Variants in CAMK1D observed in about 807,000 individuals in gnomAD.
CAMK1D encodes calcium/calmodulin dependent protein kinase ID, also known as calcium/calmodulin-dependent protein kinase type 1D.
In CAMK1D, 9 loss-of-function variants were observed where a neutral mutation model predicts 47.7. That is an observed-to-expected ratio of 0.19 (90% CI 0.11 to 0.33). The LOEUF is 0.33. Among genes scored for constraint, CAMK1D ranks in the 10% least tolerant of loss-of-function variants. The probability of loss-of-function intolerance (pLI) is 1.00; values close to 1 mark genes in which losing one functional copy is unlikely to be tolerated. For synonymous variants in CAMK1D, 184 were observed against 184.9 expected, an observed-to-expected ratio of 0.99 and a Z score of 0.04; for missense variants, 291 against 488.7, an observed-to-expected ratio of 0.60 and a Z score of 3.81.
chr10:12,793,081 T>G (rs1838054608), intron 6 of CAMK1D, among the ~76,000 whole-genome samples: 1 of 152,094 alleles, frequency 6.6e-6, no homozygotes, highest in African/African-American at 2.4e-5. Flanking sequence ...TCACCCTGGC[T>G]CTCTAAGTCC....
At chr10:12,470,429 G>C (rs1486836644) in intron 1 of CAMK1D, among the ~76,000 whole-genome samples, 1 of 152,118 alleles carries the variant, frequency 6.6e-6, no homozygotes, top group Non-Finnish European at 1.5e-5. Context: ...TTTCCACAGA[G>C]TGACATATCT....
intron 1 of CAMK1D, among the ~76,000 whole-genome samples, chr10:12,480,614 G>A (rs1834037181): frequency 6.6e-6 from 1 of 152,156 alleles, no homozygotes; most frequent in East Asian, 1.9e-4. Context: ...ACCTCGTGGG[G>A]TGGGTTCTCT....
chr10:12,573,365 G>T (rs1837385978), intron 2 of CAMK1D, among the ~76,000 whole-genome samples: 1 of 131,640 alleles, frequency 7.6e-6, no homozygotes, highest in South Asian at 2.1e-4. Context: ...TCGTCATGCA[G>T]AGCTGGTTGA....
intron 2 of CAMK1D, among the ~76,000 whole-genome samples, chr10:12,593,514 C>T (rs976034413): frequency 2.6e-5 from 4 of 151,938 alleles, no homozygotes; most frequent in Non-Finnish European, 5.9e-5. Context: ...CACTTGAACC[C>T]GGGAGGCGGA....
At chr10:12,390,272 C>T (rs369092101) in intron 1 of CAMK1D, among the ~76,000 whole-genome samples, 1 of 152,220 alleles carries the variant, frequency 6.6e-6, no homozygotes. Flanking sequence ...GGGTCTTGCT[C>T]CATTGCCTAG....
At position 12,457,385 on chromosome 10, in the gene CAMK1D, T is replaced by G. The variant is rs534481167; in HGVS notation, c.93-95840T>G. 6.9e-5 allele frequency among the ~76,000 whole-genome samples: 10 copies of G among 144,350 alleles called. No individual in the cohort carries two copies. The South Asian group carries it at 2.3e-3, about 34-fold the overall frequency. 94.7% of individuals were successfully genotyped at this position (144,350 alleles called of 152,430 possible). On this transcript the variant is annotated intron_variant, in intron 1 of 10. Coordinates refer to ENST00000619168, the MANE Select transcript of CAMK1D (RefSeq NM_153498.4). ...CAGCCTGGGTGACAGAGCGAGACTC[T>G]GTCTCAAAAAAAAAAAAAGTGTTTT...
chr10:12,415,743 TACG>T (rs1380375329), intron 1 of CAMK1D, among the ~76,000 whole-genome samples: 2 of 143,166 alleles, frequency 1.4e-5, no homozygotes, highest in Non-Finnish European at 3.1e-5. Context: ...GGATTAAAAT[TACG>T]TTTTTTTTTT....
chr10:12,734,954 A>G (rs747179953), intron 3 of CAMK1D, among the ~76,000 whole-genome samples: 1 of 152,220 alleles, frequency 6.6e-6, no homozygotes, highest in Non-Finnish European at 1.5e-5. Context: ...AGCATTTGTT[A>G]AAATGGTAAA....
chr10:12,433,722 A>G (rs1347854181), intron 1 of CAMK1D, among the ~76,000 whole-genome samples: 4 of 152,236 alleles, frequency 2.6e-5, no homozygotes, highest in Non-Finnish European at 5.9e-5. Context: ...GCATTTTTGC[A>G]GTAACATTGA....
chr10:12,694,417 T>C (rs1833151511), intron 3 of CAMK1D, among the ~76,000 whole-genome samples: 1 of 88,438 alleles, frequency 1.1e-5, no homozygotes, highest in African/African-American at 4.2e-5. Context: ...AAATATAAAA[T>C]ATATATGTTA....
intron 1 of CAMK1D, among the ~76,000 whole-genome samples, chr10:12,419,667 C>CACACAT (rs1230476437): frequency 7.9e-5 from 12 of 151,934 alleles, no homozygotes; most frequent in African/African-American, 2.9e-4. Context: ...CACACACACA[C>CACACAT]ACGCAAAAAT....
At chr10:12,377,689 G>C (rs1202113027) in intron 1 of CAMK1D, among the ~76,000 whole-genome samples, 1 of 152,126 alleles carries the variant, frequency 6.6e-6, no homozygotes, top group Non-Finnish European at 1.5e-5. Flanking sequence ...TGCACTTCAA[G>C]GGGTTTCTTC....
At chr10:12,416,470 G>C (rs1483817280) in intron 1 of CAMK1D, among the ~76,000 whole-genome samples, 1 of 152,192 alleles carries the variant, frequency 6.6e-6, no homozygotes, top group Non-Finnish European at 1.5e-5. Flanking sequence ...AACAGGGGTT[G>C]GATGACTCAA....
At chr10:12,496,470 T>C (rs562234710) in intron 1 of CAMK1D, among the ~76,000 whole-genome samples, 4 of 151,926 alleles carry the variant, frequency 2.6e-5, no homozygotes, top group Non-Finnish European at 5.9e-5. Flanking sequence ...GACAGCAGAA[T>C]GGAGGAGAGG....
At chr10:12,571,453 C>CAAAAAAAAAAA (rs766454210) in intron 2 of CAMK1D, among the ~76,000 whole-genome samples, 9 of 89,466 alleles carry the variant, frequency 1.0e-4, no homozygotes, top group African/African-American at 2.2e-4. Flanking sequence ...GACTCCATCA[C>CAAAAAAAAAAA]AAAAAAAAAA....
chr10:12,547,316 G>A (rs571001478), intron 1 of CAMK1D, among the ~76,000 whole-genome samples: 2 of 152,216 alleles, frequency 1.3e-5, no homozygotes, highest in South Asian at 4.1e-4. Context: ...TCTAGTGGTG[G>A]TGGAGGAAGA....
rs1373502708 is a variant in CAMK1D at position 12,734,407 on chromosome 10, C to G, written c.300-26541C>G. On this transcript the variant is annotated intron_variant, in intron 3 of 10. Coordinates refer to ENST00000619168, the MANE Select transcript of CAMK1D (RefSeq NM_153498.4). The stretch of plus-strand genomic sequence containing the variant: ...ATAGATATAGATATATATATATATA[C>G]ACACACACACACATGTATATATATA... Among the ~76,000 whole-genome samples, 72 of 14,124 alleles carry G rather than the reference C, an allele frequency of 5.1e-3. 2 individuals carry two copies. Among genetic ancestry groups the G allele is most frequent in the African/African-American group, 0.011 (69 of 6,516 alleles). 9.3% of individuals were successfully genotyped at this position (14,124 alleles called of 152,430 possible).
At chr10:12,483,076 C>T (rs961360126) in intron 1 of CAMK1D, among the ~76,000 whole-genome samples, 2 of 152,148 alleles carry the variant, frequency 1.3e-5, no homozygotes, top group Non-Finnish European at 2.9e-5. Flanking sequence ...ATTCTAATGC[C>T]CAGCTTCCTC....
intron 1 of CAMK1D, among the ~76,000 whole-genome samples, chr10:12,420,079 C>T (rs1246656385): frequency 6.6e-6 from 1 of 152,096 alleles, no homozygotes; most frequent in African/African-American, 2.4e-5. Flanking sequence ...CCTGCCTCAG[C>T]CTCCCGAGTA....
Sources: allele counts gnomAD v4.1 joint callset (sites outside exome capture counted in the v4.1 genomes callset), GRCh38; gene constraint gnomAD v4.1.1; transcripts MANE v1.5; gene names NCBI Gene and HGNC (gene_info 2026-07-23, HGNC 2026-07-21).